The following SLIT3 variants were observed in gnomAD, a reference collection of about 807,000 sequenced individuals.
SLIT3 encodes slit homolog 3 protein.
In SLIT3, 68 loss-of-function variants were observed where a neutral mutation model predicts 184.0. The observed-to-expected ratio is 0.37, with a 90% CI of 0.30 to 0.45. The LOEUF is 0.45. Among genes scored for constraint, SLIT3 ranks in the 20% least tolerant of loss-of-function variants. The pLI is 1.00. For missense variants in SLIT3, 1,707 were observed against 2,026.0 expected (o/e 0.84, Z 3.02); for synonymous variants, 831 against 828.6 (o/e 1.00, Z -0.05).
intron 3 of SLIT3, among the ~76,000 whole-genome samples, chr5:169,227,587 C>T (rs532182915): frequency 2.0e-5 from 3 of 152,246 alleles, no homozygotes; most frequent in South Asian, 4.2e-4. Flanking sequence ...ACCACCACAC[C>T]CAGCCAATTT....
At chr5:168,688,659 T>A (rs1052601753) in intron 29 of SLIT3, among the ~76,000 whole-genome samples, 1 of 152,226 alleles carries the variant, frequency 6.6e-6, no homozygotes, top group Non-Finnish European at 1.5e-5. Context: ...TTTACTTGAT[T>A]GGCAAATTTG....
chr5:169,167,212 T>C (rs1417441188), intron 4 of SLIT3, among the ~76,000 whole-genome samples: 1 of 150,146 alleles, frequency 6.7e-6, no homozygotes, highest in Non-Finnish European at 1.5e-5. Context: ...AAAAAACCGA[T>C]GATATTGACC....
chr5:169,065,566 C>T (rs1287111574), intron 4 of SLIT3, among the ~76,000 whole-genome samples: 4 of 152,194 alleles, frequency 2.6e-5, no homozygotes, highest in Non-Finnish European at 5.9e-5. Context: ...CTCTTTTAAA[C>T]TTGACCTTTG....
At chr5:168,747,211 C>A (rs573682455) in intron 20 of SLIT3, among the ~76,000 whole-genome samples, 1 of 152,284 alleles carries the variant, frequency 6.6e-6, no homozygotes, top group East Asian at 1.9e-4. Flanking sequence ...GCAGCTTTCT[C>A]AGAGCTTCAT....
At chr5:169,141,697 C>T (rs1182695728) in intron 4 of SLIT3, among the ~76,000 whole-genome samples, 4 of 151,030 alleles carry the variant, frequency 2.6e-5, no homozygotes, top group Admixed American at 1.3e-4. Context: ...CGAGATCGCG[C>T]CATTGCACTC....
chr5:169,070,462 A>G (rs1456535764), intron 4 of SLIT3, among the ~76,000 whole-genome samples: 1 of 152,212 alleles, frequency 6.6e-6, no homozygotes, highest in African/African-American at 2.4e-5. Flanking sequence ...GAGGGCTAAA[A>G]TCTGAGGTTT....
At chr5:169,051,302 T>C (rs1581352894) in intron 4 of SLIT3, among the ~76,000 whole-genome samples, 4 of 151,960 alleles carry the variant, frequency 2.6e-5, no homozygotes, top group Admixed American at 6.5e-5. Context: ...TTTTTTCCCC[T>C]CTACAAGATA....
At chr5:168,926,309 C>T (rs1761821298) in intron 4 of SLIT3, among the ~76,000 whole-genome samples, 1 of 152,196 alleles carries the variant, frequency 6.6e-6, no homozygotes, top group Admixed American at 6.5e-5. Context: ...GTCTGTCTAT[C>T]CAACTGTGGG....
At chr5:169,124,451 A>G (rs1761002815) in intron 4 of SLIT3, among the ~76,000 whole-genome samples, 1 of 152,202 alleles carries the variant, frequency 6.6e-6, no homozygotes, top group Non-Finnish European at 1.5e-5. Flanking sequence ...CTGGGCAGAC[A>G]CTGACCCATG....
chr5:168,716,737 C>A (rs559884819), intron 23 of SLIT3, among the ~76,000 whole-genome samples: 16 of 151,788 alleles, frequency 1.1e-4, no homozygotes, highest in Non-Finnish European at 2.1e-4. Context: ...CCATCAGAGG[C>A]CTCTCTGGGT....
At chr5:168,915,962 A>G (rs1370918927) in intron 4 of SLIT3, among the ~76,000 whole-genome samples, 1 of 152,196 alleles carries the variant, frequency 6.6e-6, no homozygotes, top group Non-Finnish European at 1.5e-5. Flanking sequence ...TAATAGTGTT[A>G]TGGTTTTCTT....
chr5:169,209,153 A>AT (rs1433682185), intron 3 of SLIT3, among the ~76,000 whole-genome samples: 1 of 152,258 alleles, frequency 6.6e-6, no homozygotes, highest in Non-Finnish European at 1.5e-5. Context: ...ATATGGACAG[A>AT]TACTTCTCAA....
intron 4 of SLIT3, among the ~76,000 whole-genome samples, chr5:169,019,803 T>C (rs757211338): frequency 1.3e-5 from 2 of 152,238 alleles, no homozygotes; most frequent in African/African-American, 2.4e-5. Flanking sequence ...CATTTCTCTT[T>C]TATAAAGGAT....
At chr5:168,807,060 G>C (rs1211821694) in intron 8 of SLIT3, among the ~76,000 whole-genome samples, 2 of 152,122 alleles carry the variant, frequency 1.3e-5, no homozygotes, top group Non-Finnish European at 2.9e-5. Context: ...CATTGATGTT[G>C]TCAAAGTGTT....
chr5:169,098,955 C>T (rs1759899930), intron 4 of SLIT3, among the ~76,000 whole-genome samples: 1 of 152,012 alleles, frequency 6.6e-6, no homozygotes. Context: ...CACTGAGATC[C>T]CAGGTCAGAT....
chr5:168,741,478 CAAAAA>C (rs3061744), intron 20 of SLIT3, among the ~76,000 whole-genome samples: 2 of 81,622 alleles, frequency 2.5e-5, no homozygotes. Flanking sequence ...GACTCGGTCT[CAAAAA>C]AAAAAAAAAA....
intron 5 of SLIT3, among the ~76,000 whole-genome samples, chr5:168,857,742 C>T (rs1485313137): frequency 1.3e-5 from 2 of 152,172 alleles, no homozygotes; most frequent in Non-Finnish European, 2.9e-5. Context: ...CGAGGACTCT[C>T]CAGGGGGTCG....
intron 4 of SLIT3, among the ~76,000 whole-genome samples, chr5:168,887,192 C>G (rs1437753105): frequency 6.6e-6 from 1 of 152,056 alleles, no homozygotes; most frequent in African/African-American, 2.4e-5. Flanking sequence ...CCCACCTTCA[C>G]CCCTACCCCT....
intron 4 of SLIT3, among the ~76,000 whole-genome samples, chr5:169,054,220 A>AG (rs1263716460): frequency 6.6e-6 from 1 of 151,328 alleles, no homozygotes; most frequent in African/African-American, 2.4e-5. Flanking sequence ...AGACACTAAA[A>AG]AAAAAAAAAA....
Sources: allele counts gnomAD v4.1 joint callset (sites outside exome capture counted in the v4.1 genomes callset), GRCh38; gene constraint gnomAD v4.1.1; transcripts MANE v1.5; gene names NCBI Gene and HGNC (gene_info 2026-07-23, HGNC 2026-07-21).